Variants in QTRT2 observed in about 807,000 individuals in gnomAD.
QTRT2 encodes queuine tRNA-ribosyltransferase accessory subunit 2, also known as queuine tRNA-ribosyltransferase domain containing 1.
QTRT2 carries 32 observed loss-of-function variants against 44.8 expected under a neutral mutation model. The observed-to-expected ratio is 0.71, with a 90% CI of 0.54 to 0.96. QTRT2 has a LOEUF of 0.96. Among genes scored for constraint, QTRT2 ranks in the 40% least tolerant of loss-of-function variants. The pLI is 0.00. For synonymous variants in QTRT2, 182 were observed against 187.4 expected (o/e 0.97, Z 0.24); for missense variants, 461 against 503.1 (o/e 0.92, Z 0.80).
chr3:114,062,406 C>G (rs1486524606), intron 2 of QTRT2, among the ~76,000 whole-genome samples: 1 of 145,108 alleles, frequency 6.9e-6, no homozygotes, highest in Non-Finnish European at 1.5e-5. Flanking sequence ...AAAAAGAATA[C>G]AGGCCTTTTG....
intron 6 of QTRT2, among the ~76,000 whole-genome samples, chr3:114,074,524 G>A (rs1361995163): frequency 1.3e-5 from 2 of 152,144 alleles, no homozygotes; most frequent in African/African-American, 4.8e-5. Flanking sequence ...GATCATTAAA[G>A]TTGTCTGCTA....
chr3:114,088,009 C>T lies in QTRT2; in HGVS notation c.*2105C>T, dbSNP rs1194384123. The T allele has an allele frequency of 6.6e-6, 1 of 152,166 alleles. No homozygotes were observed. Among genetic ancestry groups the T allele is most frequent in the Non-Finnish European group, 1.5e-5 (1 of 68,024 alleles). 9.4% of individuals were successfully genotyped at this position (152,166 alleles called of 1,614,324 possible). A position where few individuals can be genotyped will look rare whatever the true frequency, so the allele number is the denominator to read the frequency against. On this transcript the variant is annotated 3_prime_UTR_variant, in exon 10 of 10. Coordinates refer to ENST00000281273, the MANE Select transcript of QTRT2 (RefSeq NM_024638.4). ...GTATGGGAGTGTCCATGAATAAATT[C>T]ATGGGCATCCTCATAACTCTTCCAT... is the stretch of plus-strand genomic sequence containing the variant.
At position 114,085,929 on chromosome 3, in the gene QTRT2, C is replaced by A; in HGVS notation, c.*25C>A. 2 of 1,524,350 alleles carry A rather than the reference C, an allele frequency of 1.3e-6. No homozygotes were observed. Among genetic ancestry groups the A allele is most frequent in the South Asian group, 1.1e-5 (1 of 89,032 alleles). 94.4% of individuals were successfully genotyped at this position (1,524,350 alleles called of 1,614,324 possible). On this transcript the variant is annotated 3_prime_UTR_variant, in exon 10 of 10. Transcript: ENST00000281273. Reference sequence around the variant, plus strand: ...AGATCTTGCAAATACAAGTCTCACTCTTCACACTGAGCCTGTACCACTGTT... The same window carrying A: ...AGATCTTGCAAATACAAGTCTCACTATTCACACTGAGCCTGTACCACTGTT...
rs923037021 is a variant in QTRT2 at position 114,086,174 on chromosome 3, T to G, written c.*270T>G. On this transcript the variant is annotated 3_prime_UTR_variant, in exon 10 of 10. Coordinates refer to ENST00000281273, the MANE Select transcript of QTRT2 (RefSeq NM_024638.4). ...TTTTAGTTGATAGAGATTCATTTAG[T>G]CAAAGACAAAAGCTTTAACTGTGAG... The G allele has an allele frequency of 2.5e-6, 1 of 395,538 alleles. No individual in the cohort carries two copies. The highest frequency in any genetic ancestry group is 2.0e-5 in the African/African-American group (1 of 48,782). 24.5% of individuals were successfully genotyped at this position (395,538 alleles called of 1,614,324 possible). A position where few individuals can be genotyped will look rare whatever the true frequency, so the allele number is the denominator to read the frequency against.
intron 7 of QTRT2, 160 bp downstream of exon 7, chr3:114,077,102 G>A: frequency 4.6e-6 from 3 of 654,052 alleles, no homozygotes; most frequent in Non-Finnish European, 5.3e-6. Flanking sequence ...AGACTGTAAG[G>A]GGAGTTTCCA....
chr3:114,070,103 A>C (rs542470089), intron 5 of QTRT2, among the ~76,000 whole-genome samples: 1 of 152,194 alleles, frequency 6.6e-6, no homozygotes, highest in African/African-American at 2.4e-5. Context: ...CAGTGTCTCA[A>C]TGGACACGTA....
At chr3:114,062,368 C>CAAAAAAAAA (rs143192501) in intron 2 of QTRT2, among the ~76,000 whole-genome samples, 65 of 86,026 alleles carry the variant, frequency 7.6e-4, no homozygotes, top group African/African-American at 8.5e-4. Flanking sequence ...GACCTTGTCT[C>CAAAAAAAAA]AAAAAAAAAA....
At chr3:114,064,094 A>G (rs2076921999) in intron 2 of QTRT2, among the ~76,000 whole-genome samples, 1 of 152,068 alleles carries the variant, frequency 6.6e-6, no homozygotes, top group Non-Finnish European at 1.5e-5. Flanking sequence ...ACACACCTGT[A>G]ATCTCAACTA....
At chr3:114,078,259 TA>T (rs1382763844) in intron 7 of QTRT2, 1 of 152,220 alleles carries the variant, frequency 6.6e-6, no homozygotes, top group African/African-American at 2.4e-5. Context: ...TTCTTCATGT[TA>T]AGTGCTCACA....
chr3:114,081,321 G>A (rs897283256), intron 8 of QTRT2, among the ~76,000 whole-genome samples: 11 of 152,182 alleles, frequency 7.2e-5, no homozygotes, highest in African/African-American at 1.7e-4. Flanking sequence ...TCTCCCAAAT[G>A]ACAAGAGTTT....
chr3:114,067,509 C>A (rs2076969980), intron 4 of QTRT2, among the ~76,000 whole-genome samples: 1 of 152,120 alleles, frequency 6.6e-6, no homozygotes, highest in Non-Finnish European at 1.5e-5. Flanking sequence ...GAATGGGATC[C>A]ATTTGCAGCA....
intron 4 of QTRT2, 50 bp downstream of exon 4, chr3:114,066,333 T>G: frequency 9.1e-7 from 1 of 1,100,340 alleles, no homozygotes; most frequent in Non-Finnish European, 1.4e-6. Flanking sequence ...AATTTGGAGT[T>G]TGGAGGTGCT....
At chr3:114,075,329 A>G (rs2077074836) in intron 6 of QTRT2, among the ~76,000 whole-genome samples, 1 of 151,994 alleles carries the variant, frequency 6.6e-6, no homozygotes, top group Non-Finnish European at 1.5e-5. Flanking sequence ...ATTCACATTT[A>G]TTTGTTTGAA....
intron 7 of QTRT2, 149 bp downstream of exon 7, chr3:114,077,091 C>A: frequency 1.4e-6 from 1 of 711,320 alleles, no homozygotes; most frequent in Non-Finnish European, 2.3e-6. Flanking sequence ...GGTGCTGAGG[C>A]AGACTGTAAG....
chr3:114,070,429 G>T (rs1357800568), intron 5 of QTRT2, among the ~76,000 whole-genome samples, 197 bp from the exon 6 acceptor site: 1 of 152,064 alleles, frequency 6.6e-6, no homozygotes. Context: ...TTCTTGGTGG[G>T]TAGCTCAAAA....
chr3:114,061,883 C>T (rs1008805128), intron 2 of QTRT2, among the ~76,000 whole-genome samples: 1 of 152,246 alleles, frequency 6.6e-6, no homozygotes, highest in Non-Finnish European at 1.5e-5. Flanking sequence ...CAACCAAAGC[C>T]ACTTTCTTTT....
In QTRT2 at chr3:114,080,010, G is replaced by T. The variant is rs750008238; in HGVS notation, c.851G>T (p.Cys284Phe). Residue 284 changes from cysteine (C) to phenylalanine (F), a missense_variant, in exon 8 of 10, where the codon TGT becomes TTT. Coordinates refer to ENST00000281273, the MANE Select transcript of QTRT2 (RefSeq NM_024638.4). ...CCTTATCAAGTAACAGAGCGGGGAT[G>T]TGCCCTGACTTTCAGTTTTGATTAC... The part of the protein sequence containing the change: ...FFPYQVTERG[C>F]ALTFSFDYQP... 12 of 1,613,098 alleles carry T rather than the reference G, an allele frequency of 7.4e-6. No homozygotes were observed. The highest frequency in any genetic ancestry group is 1.0e-5 in the Non-Finnish European group (12 of 1,179,574).
At chr3:114,082,834 T>G in intron 9 of QTRT2, 40 bp downstream of exon 9, 1 of 912,452 alleles carries the variant, frequency 1.1e-6, no homozygotes, top group Non-Finnish European at 1.7e-6. Flanking sequence ...CTTTCTGACT[T>G]CTGAATTTTA....
intron 3 of QTRT2, among the ~76,000 whole-genome samples, chr3:114,065,732 T>C (rs1451755702): frequency 6.6e-6 from 1 of 152,172 alleles, no homozygotes; most frequent in Admixed American, 6.5e-5. Context: ...GGGCGGGGAA[T>C]GTTCTGTGAG....
Sources: allele counts gnomAD v4.1 joint callset (sites outside exome capture counted in the v4.1 genomes callset), GRCh38; gene constraint gnomAD v4.1.1; transcripts MANE v1.5; gene names NCBI Gene and HGNC (gene_info 2026-07-23, HGNC 2026-07-21).